RELN: variants seen among roughly 807,000 people sequenced by gnomAD.
RELN encodes the protein reelin.
Under a neutral mutation model 427.6 loss-of-function variants are expected in RELN, and 108 were observed. The ratio of observed to expected loss-of-function variants is 0.25; its 90% CI spans 0.22 to 0.30. The LOEUF is 0.30. Ranked by LOEUF, RELN falls within the 10% of genes least tolerant of loss-of-function variation. The pLI is 1.00. For synonymous variants in RELN, 1,524 were observed against 1,513.4 expected (o/e 1.01, Z -0.16); for missense variants, 3,715 against 4,302.8 (o/e 0.86, Z 3.82).
intron 2 of RELN, among the ~76,000 whole-genome samples, chr7:103,878,194 C>G (rs1250104836): frequency 1.3e-5 from 2 of 151,920 alleles, no homozygotes; most frequent in Non-Finnish European, 2.9e-5. Context: ...CTTACCTGAT[C>G]CCTCAATTTC....
intron 2 of RELN, among the ~76,000 whole-genome samples, chr7:103,864,820 A>C (rs1194038286): frequency 6.6e-6 from 1 of 152,154 alleles, no homozygotes; most frequent in Admixed American, 6.6e-5. Context: ...ACTAAGAAAA[A>C]GAGAAGGTTA....
At chr7:103,636,184 T>C (rs751848033) in intron 18 of RELN, 51 bp downstream of exon 18, 1 of 1,199,942 alleles carries the variant, frequency 8.3e-7, no homozygotes, top group Non-Finnish European at 1.2e-6. Context: ...TATAACTAAA[T>C]TCAACATTAG....
rs113342094 is a variant in RELN at position 103,957,787 on chromosome 7, C to T, written c.226+31344G>A. Among the ~76,000 whole-genome samples the T allele has an allele frequency of 9.3e-3, 1,423 of 152,198 alleles. 22 individuals carry two copies. The highest frequency in any genetic ancestry group is 0.033 in the African/African-American group (1,377 of 41,516). ...CCTGGATTGTTGGCTAAGTGATGCT[C>T]GCCCATCTGTGGAGCAGAGAGGAAA... On this transcript the variant is annotated intron_variant, in intron 1 of 64. Coordinates refer to ENST00000428762, the MANE Select transcript of RELN (RefSeq NM_005045.4).
chr7:103,823,457 C>A (rs886437682), intron 3 of RELN, among the ~76,000 whole-genome samples: 1 of 151,924 alleles, frequency 6.6e-6, no homozygotes, highest in African/African-American at 2.4e-5. Flanking sequence ...CTTTGCCCTT[C>A]CCCTCCCTAT....
At position 103,965,217 on chromosome 7, in the gene RELN, A is replaced by C. The variant is rs536308148; in HGVS notation, c.226+23914T>G. Among the ~76,000 whole-genome samples the C allele has an allele frequency of 2.0e-5, 3 of 152,338 alleles. No homozygotes were observed. In the East Asian group the frequency reaches 5.8e-4, roughly 29 times the overall value. ...TTATAACATCTATTTTTAAATCAAA[A>C]TGAGAGAAATTTTTAAAACAGCTCT... On this transcript the variant is annotated intron_variant, in intron 1 of 64. Coordinates refer to ENST00000428762, the MANE Select transcript of RELN (RefSeq NM_005045.4).
chr7:103,723,454 G>A (rs1298777121), intron 7 of RELN, among the ~76,000 whole-genome samples: 1 of 152,106 alleles, frequency 6.6e-6, no homozygotes, highest in Admixed American at 6.6e-5. Flanking sequence ...TTCACAAACT[G>A]TTCTTAGTGG....
chr7:103,611,329 T>C (rs1831949455), intron 21 of RELN, among the ~76,000 whole-genome samples: 1 of 152,190 alleles, frequency 6.6e-6, no homozygotes. Context: ...GAAAGAGGGA[T>C]AGAGAAAATA....
rs183016458 is a variant in RELN, at chr7:103,686,691, A to G, written c.1144-4430T>C. Among the ~76,000 whole-genome samples the G allele has an allele frequency of 2.4e-4, 36 of 152,306 alleles. No individual in the cohort carries two copies. In the East Asian group the frequency reaches 6.8e-3, roughly 29 times the overall value. On this transcript the variant is annotated intron_variant, in intron 10 of 64. Transcript: ENST00000428762. ...AGCCATTGGAAATTGACTAATTTAT[A>G]GTCTACATATTATTGTGTTTTTCAA...
chr7:103,852,980 C>T (rs571904039), intron 2 of RELN, among the ~76,000 whole-genome samples: 1 of 151,970 alleles, frequency 6.6e-6, no homozygotes, highest in South Asian at 2.1e-4. Context: ...ATGATGTATA[C>T]TACTACTTTC....
intron 1 of RELN, among the ~76,000 whole-genome samples, chr7:103,956,510 A>C (rs1485035495): frequency 6.6e-6 from 1 of 151,220 alleles, no homozygotes; most frequent in Admixed American, 6.6e-5. Context: ...GATATAATAC[A>C]AAAAAATCTT....
At chr7:103,833,412 T>C in intron 3 of RELN, 125 bp downstream of exon 3, 2 of 980,260 alleles carry the variant, frequency 2.0e-6, no homozygotes, top group Non-Finnish European at 3.2e-6. Context: ...GCAACAAAAT[T>C]AGTGATTTTA....
intron 3 of RELN, among the ~76,000 whole-genome samples, chr7:103,831,960 A>G (rs540676081): frequency 6.6e-6 from 1 of 152,154 alleles, no homozygotes; most frequent in East Asian, 1.9e-4. Context: ...TCTTAGCAAA[A>G]CATACTGGAA....
At chr7:103,896,816 G>A (rs1430532656) in intron 2 of RELN, among the ~76,000 whole-genome samples, 1 of 152,024 alleles carries the variant, frequency 6.6e-6, no homozygotes, top group East Asian at 1.9e-4. Context: ...ATAATAAAAT[G>A]TTGAACAGTA....
In RELN at chr7:103,667,036, T is replaced by C. The variant is rs968182651; in HGVS notation, c.1290-5509A>G. On this transcript the variant is annotated intron_variant, in intron 11 of 64. Transcript: ENST00000428762. ...CAGCTAAAGGCTTATTACTCAGGTT[T>C]TTAATTTCCCTTTGTTTTAGGTATC... Among the ~76,000 whole-genome samples, 39 of 152,382 alleles carry C rather than the reference T, an allele frequency of 2.6e-4. No homozygotes were observed. In the East Asian group the frequency reaches 5.6e-3, roughly 22 times the overall value.
intron 2 of RELN, among the ~76,000 whole-genome samples, chr7:103,870,008 C>T (rs1367668692): frequency 6.6e-6 from 1 of 152,106 alleles, no homozygotes; most frequent in African/African-American, 2.4e-5. Flanking sequence ...CTGCCATCCT[C>T]ATGTGCTTTT....
intron 11 of RELN, among the ~76,000 whole-genome samples, chr7:103,680,288 T>C (rs1255861412): frequency 6.6e-6 from 1 of 152,076 alleles, no homozygotes; most frequent in Non-Finnish European, 1.5e-5. Flanking sequence ...TGCATCTCTT[T>C]AGCTCTGCTT....
chr7:103,610,310 G>T (rs180928940), intron 22 of RELN, among the ~76,000 whole-genome samples: 115 of 152,200 alleles, frequency 7.6e-4, no homozygotes, highest in Non-Finnish European at 1.3e-3. Context: ...AAAAGTAAGG[G>T]TTTGCAACGA....
chr7:103,956,274 G>C (rs550664884), intron 1 of RELN, among the ~76,000 whole-genome samples: 1 of 152,276 alleles, frequency 6.6e-6, no homozygotes, highest in African/African-American at 2.4e-5. Flanking sequence ...CTTCTTTCTA[G>C]AAAAGCTGTT....
At chr7:103,767,250 A>G (rs905072234) in intron 4 of RELN, among the ~76,000 whole-genome samples, 3 of 152,150 alleles carry the variant, frequency 2.0e-5, no homozygotes, top group African/African-American at 7.2e-5. Flanking sequence ...GTTTTCAGGG[A>G]ATTTAGGCAG....
Sources: gnomAD v4.1 joint callset for allele counts (sites outside exome capture counted in the v4.1 genomes callset) on GRCh38, gnomAD v4.1.1 for gene constraint, MANE v1.5 for transcripts, NCBI Gene and HGNC (gene_info 2026-07-23, HGNC 2026-07-21) for gene names.